ACVR1C: variants seen among roughly 807,000 people sequenced by gnomAD.
ACVR1C encodes activin A receptor type 1C, also known as activin receptor type-1C.
Under a neutral mutation model 57.9 loss-of-function variants are expected in ACVR1C, and 23 were observed. That is an observed-to-expected ratio of 0.40 (90% confidence interval 0.29 to 0.56). The LOEUF (loss-of-function observed/expected upper bound fraction) is 0.56, where lower values mean the gene tolerates loss of function less well. ACVR1C is among the 20% of genes least tolerant of loss of function. The pLI, the probability that ACVR1C is intolerant of heterozygous loss-of-function variation, is 0.50. For missense variants in ACVR1C, 480 were observed against 607.9 expected (o/e 0.79, Z 2.21); for synonymous variants, 214 against 215.3 (o/e 0.99, Z 0.05).
rs10628650 is a variant in ACVR1C at position 157,576,203 on chromosome 2, C to CTTTTTT, written c.304+10978_304+10983dup. On this transcript the variant is annotated intron_variant, in intron 2 of 8. Coordinates refer to ENST00000243349, the MANE Select transcript of ACVR1C (RefSeq NM_145259.3). The stretch of plus-strand genomic sequence containing the variant: ...ATTGTGGCTTGAGGAATAATCATTT[C>CTTTTTT]TTTTTTTTTTTTTTTTTTTTGGCGA... 1.0e-3 allele frequency among the ~76,000 whole-genome samples: 101 copies of CTTTTTT among 97,918 alleles called. 4 individuals are homozygous for CTTTTTT. Among genetic ancestry groups the CTTTTTT allele is most frequent in the Admixed American group, 1.3e-3 (10 of 7,772 alleles). The allele number at this position is 97,918 out of a possible 152,430, so 64.2% of individuals were successfully genotyped here. A position where few individuals can be genotyped will look rare whatever the true frequency, so the allele number is the denominator to read the frequency against.
At chr2:157,566,815 G>T (rs2105236079) in intron 2 of ACVR1C, among the ~76,000 whole-genome samples, 1 of 152,320 alleles carries the variant, frequency 6.6e-6, no homozygotes, top group Admixed American at 6.5e-5. Flanking sequence ...GGCTTGCTTA[G>T]GTAAACAAAG....
At chr2:157,604,426 C>T (rs1682348631) in intron 1 of ACVR1C, among the ~76,000 whole-genome samples, 1 of 151,976 alleles carries the variant, frequency 6.6e-6, no homozygotes, top group South Asian at 2.1e-4. Context: ...ATGTTGCACA[C>T]ATCAGGAGCT....
At position 157,529,845 on chromosome 2, in the gene ACVR1C, GT is replaced by G. The variant is rs1471533646; in HGVS notation, c.*4072del. On this transcript the variant is annotated 3_prime_UTR_variant, in exon 9 of 9. Transcript: ENST00000243349. ...AATATCTATATATTTTCATTAAAAT[GT>G]TTTGAAAAATGCCCATATTATAAAA... is the stretch of plus-strand genomic sequence containing the variant. The G allele has an allele frequency of 6.6e-6, 1 of 151,924 alleles. No homozygotes were observed. Among genetic ancestry groups the G allele is most frequent in the Non-Finnish European group, 1.5e-5 (1 of 67,912 alleles). The allele number at this position is 151,924 out of a possible 1,614,324, so 9.4% of individuals were successfully genotyped here. A position where few individuals can be genotyped will look rare whatever the true frequency, so the allele number is the denominator to read the frequency against.
intron 3 of ACVR1C, 114 bp from the exon 4 acceptor site, chr2:157,550,506 T>C (rs1164573872): frequency 1.0e-6 from 1 of 976,540 alleles, no homozygotes; most frequent in Non-Finnish European, 1.5e-6. Flanking sequence ...TTAATAATTT[T>C]ATCTATTTTG....
At chr2:157,612,167 C>T (rs1027679331) in intron 1 of ACVR1C, among the ~76,000 whole-genome samples, 3 of 152,168 alleles carry the variant, frequency 2.0e-5, no homozygotes, top group Non-Finnish European at 4.4e-5. Context: ...AAACAGGGAG[C>T]TCTTAGGTTC....
intron 3 of ACVR1C, among the ~76,000 whole-genome samples, chr2:157,550,997 T>C (rs576660943): frequency 9.2e-5 from 14 of 152,348 alleles, no homozygotes; most frequent in Admixed American, 9.1e-4. Flanking sequence ...ATAACGCTTA[T>C]ATTCTTTGAA....
Position 157,550,187 on chromosome 2 carries a change from A to C in ACVR1C, c.750T>G (p.Leu250=), listed in dbSNP as rs540991629. ...CTTTGTTGTCAGCAGCAATGAAACCAAGGATGTTTTCATGTCGCAGCATGA... is the reference window on the plus strand; with the variant it reads ...CTTTGTTGTCAGCAGCAATGAAACCCAGGATGTTTTCATGTCGCAGCATGA... The part of the protein sequence containing the change: ...QTVMLRHENI[L]GFIAADNKDN... Residue 250 remains leucine (L), a synonymous_variant, in exon 4 of 9, where the codon CTT becomes CTG. Coordinates refer to ENST00000243349, the MANE Select transcript of ACVR1C (RefSeq NM_145259.3). The C allele has an allele frequency of 3.7e-6, 6 of 1,613,966 alleles. No individual in the cohort carries two copies. Among genetic ancestry groups the C allele is most frequent in the Non-Finnish European group, 5.1e-6 (6 of 1,180,020 alleles).
intron 1 of ACVR1C, among the ~76,000 whole-genome samples, chr2:157,627,373 A>G (rs750284347): frequency 2.7e-4 from 41 of 152,162 alleles, no homozygotes; most frequent in Non-Finnish European, 3.8e-4. Flanking sequence ...TCTTTCCGAC[A>G]GTCTTGGGCT....
In ACVR1C at chr2:157,628,700, G is replaced by T. The variant is rs988250663; in HGVS notation, c.-56C>A. The stretch of plus-strand genomic sequence containing the variant: ...GGCCCCAGAGCAGAGCGAGGCAGCC[G>T]GGGCAGCACGGCCCGCTTTGAAGTT... On this transcript the variant is annotated 5_prime_UTR_variant, in exon 1 of 9. Transcript: ENST00000243349. The T allele has an allele frequency of 7.1e-7, 1 of 1,411,184 alleles. No homozygotes were observed. Among genetic ancestry groups the T allele is most frequent in the African/African-American group, 1.5e-5 (1 of 66,342 alleles). 87.4% of individuals were successfully genotyped at this position (1,411,184 alleles called of 1,614,324 possible).
At chr2:157,534,623 A>G (rs1375207838) in intron 8 of ACVR1C, among the ~76,000 whole-genome samples, 1 of 152,180 alleles carries the variant, frequency 6.6e-6, no homozygotes, top group African/African-American at 2.4e-5. Flanking sequence ...ATACTACAAT[A>G]AAAATTATGA....
At chr2:157,573,525 T>C (rs1286116239) in intron 2 of ACVR1C, among the ~76,000 whole-genome samples, 1 of 152,048 alleles carries the variant, frequency 6.6e-6, no homozygotes, top group Non-Finnish European at 1.5e-5. Flanking sequence ...GGAACAAAGA[T>C]ACCTGAAATT....
intron 1 of ACVR1C, among the ~76,000 whole-genome samples, chr2:157,617,955 G>A (rs1682689888): frequency 6.6e-6 from 1 of 151,846 alleles, no homozygotes; most frequent in Non-Finnish European, 1.5e-5. Flanking sequence ...AAATTAATTA[G>A]AATGTGTTGC....
chr2:157,555,430 C>T (rs1688076912), intron 3 of ACVR1C, among the ~76,000 whole-genome samples: 1 of 152,160 alleles, frequency 6.6e-6, no homozygotes, highest in South Asian at 2.1e-4. Context: ...GTACTTTGAA[C>T]GCTTTACCTG....
chr2:157,580,558 AC>A (rs1163926671), intron 2 of ACVR1C, among the ~76,000 whole-genome samples: 1 of 152,168 alleles, frequency 6.6e-6, no homozygotes, highest in Non-Finnish European at 1.5e-5. Flanking sequence ...GTCCACAGAA[AC>A]CCTTCTTGCT....
At chr2:157,579,337 T>G (rs1285575448) in intron 2 of ACVR1C, among the ~76,000 whole-genome samples, 1 of 152,210 alleles carries the variant, frequency 6.6e-6, no homozygotes, top group African/African-American at 2.4e-5. Context: ...ATATACTGCA[T>G]ACAAAATTAT....
chr2:157,618,881 A>T (rs893267500), intron 1 of ACVR1C, among the ~76,000 whole-genome samples: 28 of 151,840 alleles, frequency 1.8e-4, no homozygotes, highest in African/African-American at 6.8e-4. Context: ...CCAAGAACAA[A>T]ATATTCAAAT....
intron 4 of ACVR1C, among the ~76,000 whole-genome samples, chr2:157,545,543 A>G (rs1297735599): frequency 2.0e-5 from 3 of 152,234 alleles, no homozygotes; most frequent in Admixed American, 2.0e-4. Flanking sequence ...ACAAGTGGCT[A>G]TCTTGCCCTC....
At chr2:157,541,742 T>A (rs766634826) in intron 6 of ACVR1C, among the ~76,000 whole-genome samples, 42 of 152,350 alleles carry the variant, frequency 2.8e-4, no homozygotes, top group Non-Finnish European at 5.1e-4. Flanking sequence ...TTCCTGGGGC[T>A]TATGAAAGTC....
intron 1 of ACVR1C, among the ~76,000 whole-genome samples, chr2:157,599,638 C>G (rs1401348842): frequency 6.6e-6 from 1 of 152,166 alleles, no homozygotes; most frequent in Admixed American, 6.5e-5. Context: ...TTAGTACAGT[C>G]TTGGGTTCAA....
Sources: gnomAD v4.1 joint callset for allele counts (sites outside exome capture counted in the v4.1 genomes callset) on GRCh38, gnomAD v4.1.1 for gene constraint, MANE v1.5 for transcripts, NCBI Gene and HGNC (gene_info 2026-07-23, HGNC 2026-07-21) for gene names.